DNAH14: variants seen among roughly 807,000 people sequenced by gnomAD.
The protein encoded by DNAH14 is axonemal beta dynein heavy chain 14.
DNAH14 carries 478 observed loss-of-function variants against 520.9 expected under a neutral mutation model. The observed-to-expected ratio is 0.92, with a 90% CI of 0.85 to 0.99. The LOEUF (loss-of-function observed/expected upper bound fraction) is 0.99, where lower values mean the gene tolerates loss of function less well. Among genes scored for constraint, DNAH14 ranks in the 50% least tolerant of loss-of-function variants. The pLI is 0.00. For synonymous variants in DNAH14, 1,581 were observed against 1,757.2 expected (o/e 0.90, Z 2.51); for missense variants, 4,831 against 5,234.5 (o/e 0.92, Z 2.38).
At chr1:225,345,884 CAA>C in intron 69 of DNAH14, 76 bp from the exon 70 acceptor site, 1 of 1,255,332 alleles carries the variant, frequency 8.0e-7, no homozygotes. Flanking sequence ...AACCCTTACA[CAA>C]AGAGTGCAGA....
At chr1:225,118,903 A>AAC in intron 25 of DNAH14, among the ~76,000 whole-genome samples, 1 of 150,856 alleles carries the variant, frequency 6.6e-6, no homozygotes. Context: ...AAAAAAAAAA[A>AAC]AGAAAAGAAA....
chr1:225,364,545 C>T (rs115670981), intron 75 of DNAH14, among the ~76,000 whole-genome samples: 219 of 152,116 alleles, frequency 1.4e-3, no homozygotes, highest in African/African-American at 5.1e-3. Context: ...GTAATTATTT[C>T]CAGATTTTTT....
rs974165364 is a variant in DNAH14, at chr1:225,374,657, G to A, written c.12319-31G>A. ...AGTGAGTAAGCTGGAAACACATACTGAAATAATAAAGACTCATGGGTTTTC... is the reference window on the plus strand; with the variant it reads ...AGTGAGTAAGCTGGAAACACATACTAAAATAATAAAGACTCATGGGTTTTC... On this transcript the variant is annotated intron_variant, in intron 77 of 85. Coordinates refer to ENST00000682510, the MANE Select transcript of DNAH14 (RefSeq NM_001367479.1). The A allele has an allele frequency of 9.3e-6, 14 of 1,498,698 alleles. No individual in the cohort carries two copies. In the Admixed American group the frequency reaches 3.0e-4, roughly 32 times the overall value. The allele number at this position is 1,498,698 out of a possible 1,614,324, so 92.8% of individuals were successfully genotyped here.
chr1:225,012,347 A>T (rs2064843595), intron 10 of DNAH14, among the ~76,000 whole-genome samples: 1 of 152,042 alleles, frequency 6.6e-6, no homozygotes, highest in Admixed American at 6.6e-5. Flanking sequence ...TTCCCTTTGC[A>T]GGTAACTCAA....
chr1:225,190,398 G>A (rs1450739778), intron 37 of DNAH14, among the ~76,000 whole-genome samples: 1 of 151,808 alleles, frequency 6.6e-6, no homozygotes, highest in Non-Finnish European at 1.5e-5. Context: ...GTCCCAGGTG[G>A]GACAGAGCCA....
At chr1:225,029,133 G>A (rs993526262) in intron 11 of DNAH14, among the ~76,000 whole-genome samples, 4 of 151,932 alleles carry the variant, frequency 2.6e-5, no homozygotes, top group Non-Finnish European at 2.9e-5. Flanking sequence ...TATGCAACAC[G>A]AATAAATCTC....
chr1:224,974,270 G>A (rs1342331892), intron 8 of DNAH14, 117 bp downstream of exon 8: 1 of 582,114 alleles, frequency 1.7e-6, no homozygotes, highest in African/African-American at 1.9e-5. Flanking sequence ...ACATTCCATT[G>A]CTTTACGATT....
intron 1 of DNAH14, among the ~76,000 whole-genome samples, chr1:224,936,431 T>A (rs2501076): frequency 0.096 from 14,562 of 151,746 alleles, 2,256 homozygotes; most frequent in African/African-American, 0.33. Flanking sequence ...TATAGATTAT[T>A]ATGAATAACT....
intron 55 of DNAH14, among the ~76,000 whole-genome samples, chr1:225,290,647 GTATATATATATATATA>G (rs56045354): frequency 0.032 from 1,857 of 57,598 alleles, 63 homozygotes; most frequent in Non-Finnish European, 0.04. Context: ...GTGTGTGTGT[GTATATATATATATATA>G]TATATATATA....
At chr1:225,351,914 TTAAG>T (rs986571694) in intron 72 of DNAH14, 31 bp downstream of exon 72, 2 of 1,514,522 alleles carry the variant, frequency 1.3e-6, no homozygotes, top group African/African-American at 2.8e-5. Context: ...TTAACCTAAC[TTAAG>T]TATGTGTGTA....
At chr1:225,153,491 G>A (rs1392254365) in intron 33 of DNAH14, among the ~76,000 whole-genome samples, 1 of 152,058 alleles carries the variant, frequency 6.6e-6, no homozygotes, top group Non-Finnish European at 1.5e-5. Flanking sequence ...TCTCATTCTA[G>A]TTCAGAGAAA....
rs2060261880 is a variant in DNAH14, at chr1:224,952,804, A to G, written c.77+25A>G. On this transcript the variant is annotated intron_variant, in intron 2 of 85. Coordinates refer to ENST00000682510, the MANE Select transcript of DNAH14 (RefSeq NM_001367479.1). ...GGTAAAAGTAAGATAAAATATAATGAGTTTTTTTCTAAAGTAAGATTTCAG... is the reference window on the plus strand; with the variant it reads ...GGTAAAAGTAAGATAAAATATAATGGGTTTTTTTCTAAAGTAAGATTTCAG... The G allele has an allele frequency of 3.3e-6, 5 of 1,531,966 alleles. No homozygotes were observed. The East Asian group carries it at 1.2e-4, about 36-fold the overall frequency. The allele number at this position is 1,531,966 out of a possible 1,614,324, so 94.9% of individuals were successfully genotyped here.
At chr1:225,090,785 C>T (rs1370446029) in intron 21 of DNAH14, among the ~76,000 whole-genome samples, 1 of 152,020 alleles carries the variant, frequency 6.6e-6, no homozygotes, top group Non-Finnish European at 1.5e-5. Flanking sequence ...TGAGAAAAAA[C>T]ATAAGAGATA....
At chr1:225,163,618 GT>G (rs1269753919) in intron 35 of DNAH14, among the ~76,000 whole-genome samples, 1 of 152,144 alleles carries the variant, frequency 6.6e-6, no homozygotes, top group Non-Finnish European at 1.5e-5. Context: ...TGATTATATG[GT>G]TTTTGTCCTT....
chr1:224,947,766 A>G (rs1424065389), intron 1 of DNAH14, among the ~76,000 whole-genome samples: 3 of 151,914 alleles, frequency 2.0e-5, no homozygotes, highest in Non-Finnish European at 4.4e-5. Flanking sequence ...ATTTCTTAAT[A>G]TTTTAAATTT....
chr1:224,986,539 TG>T (rs113657995), intron 8 of DNAH14, among the ~76,000 whole-genome samples: 14,544 of 152,172 alleles, frequency 0.096, 2,243 homozygotes, highest in African/African-American at 0.33. Context: ...AAGCAATCAA[TG>T]TGAAACATTA....
chr1:225,398,465 C>T, intron 84 of DNAH14, 55 bp from the exon 85 acceptor site: 1 of 1,539,384 alleles, frequency 6.5e-7, no homozygotes. Context: ...ACGGAGCCTC[C>T]AGTTGGTCGC....
chr1:224,946,710 A>G (rs2059857772), intron 1 of DNAH14, among the ~76,000 whole-genome samples: 1 of 152,066 alleles, frequency 6.6e-6, no homozygotes, highest in African/African-American at 2.4e-5. Flanking sequence ...AGATCAGAAA[A>G]TTGTTCAGTT....
chr1:224,992,121 T>A (rs12564768), intron 8 of DNAH14, among the ~76,000 whole-genome samples: 8,368 of 152,194 alleles, frequency 0.055, 470 homozygotes, highest in East Asian at 0.23. Flanking sequence ...CTGGCCAATA[T>A]CGTGCTGTTT....
Sources: gnomAD v4.1 joint callset for allele counts (sites outside exome capture counted in the v4.1 genomes callset) on GRCh38, gnomAD v4.1.1 for gene constraint, MANE v1.5 for transcripts, NCBI Gene and HGNC (gene_info 2026-07-23, HGNC 2026-07-21) for gene names.